VPS37A: variants seen among roughly 807,000 people sequenced by gnomAD.
The protein encoded by VPS37A is VPS37A subunit of ESCRT-I.
A neutral mutation model predicts 49.8 loss-of-function variants in VPS37A; 30 were observed. The observed-to-expected ratio is 0.60, with a 90% CI of 0.45 to 0.82. The LOEUF (loss-of-function observed/expected upper bound fraction) is 0.82, where lower values mean the gene tolerates loss of function less well. Ranked by LOEUF, VPS37A falls within the 40% of genes least tolerant of loss-of-function variation. The pLI is 0.00. For synonymous variants in VPS37A, 195 were observed against 160.6 expected (o/e 1.21, Z -1.62); for missense variants, 593 against 464.4 (o/e 1.28, Z -2.55).
downstream of VPS37A, among the ~76,000 whole-genome samples, chr8:17,303,153 T>G (rs1001031121): frequency 1.5e-4 from 23 of 152,186 alleles, no homozygotes; most frequent in Admixed American, 4.6e-4. Context: ...GGTGTCATTG[T>G]TTTATCTGCA....
At chr8:17,279,538 T>C (rs1385066630) in intron 6 of VPS37A, among the ~76,000 whole-genome samples, 1 of 152,134 alleles carries the variant, frequency 6.6e-6, no homozygotes, top group African/African-American at 2.4e-5. Context: ...GTCTGGTTCC[T>C]ATCAGGGAAA....
At chr8:17,272,922 G>A (rs1814135504) in intron 4 of VPS37A, among the ~76,000 whole-genome samples, 1 of 148,610 alleles carries the variant, frequency 6.7e-6, no homozygotes, top group Non-Finnish European at 1.5e-5. Context: ...TTGGGTTTGT[G>A]TATATATAAT....
chr8:17,254,776 A>G (rs897184505), intron 1 of VPS37A, among the ~76,000 whole-genome samples: 2 of 152,124 alleles, frequency 1.3e-5, no homozygotes, highest in Non-Finnish European at 2.9e-5. Context: ...TACTTCTATC[A>G]AAACATCACA....
intron 4 of VPS37A, among the ~76,000 whole-genome samples, chr8:17,269,893 A>C (rs1052877196): frequency 6.6e-6 from 1 of 152,212 alleles, no homozygotes; most frequent in Non-Finnish European, 1.5e-5. Flanking sequence ...ACTGGGTAAT[A>C]TATAAAGAAA....
intron 1 of VPS37A, among the ~76,000 whole-genome samples, chr8:17,252,301 G>A (rs1161470422): frequency 1.3e-5 from 2 of 152,118 alleles, no homozygotes; most frequent in Non-Finnish European, 1.5e-5. Flanking sequence ...ACAGGCACAT[G>A]CCATCATGCC....
At position 17,295,879 on chromosome 8, in the gene VPS37A, T is replaced by A. The variant is rs1315410744; in HGVS notation, c.*893T>A. On this transcript the variant is annotated 3_prime_UTR_variant, in exon 12 of 12. Transcript: ENST00000324849. ...AGCTATAGTAATAAGTAAAATTTAA[T>A]TTTTAGGCAATCCTGATTTTTAATG... 6.6e-6 allele frequency: 1 copy of A among 152,234 alleles called. No individual in the cohort carries two copies. Among genetic ancestry groups the A allele is most frequent in the Non-Finnish European group, 1.5e-5 (1 of 68,046 alleles). 9.4% of individuals were successfully genotyped at this position (152,234 alleles called of 1,614,324 possible). A position where few individuals can be genotyped will look rare whatever the true frequency, so the allele number is the denominator to read the frequency against.
chr8:17,294,448 C>A (rs1425914074), intron 11 of VPS37A, among the ~76,000 whole-genome samples: 1 of 152,158 alleles, frequency 6.6e-6, no homozygotes, highest in Non-Finnish European at 1.5e-5. Flanking sequence ...AGCCCCCTTT[C>A]CAGGAGAGTG....
intron 9 of VPS37A, among the ~76,000 whole-genome samples, chr8:17,281,470 C>G (rs1331081764): frequency 3.3e-5 from 5 of 151,906 alleles, no homozygotes; most frequent in Admixed American, 2.6e-4. Flanking sequence ...ATTCTTTATA[C>G]AAACTCTTAG....
At chr8:17,267,435 TGTA>T (rs1813572277) in intron 2 of VPS37A, among the ~76,000 whole-genome samples, 1 of 151,030 alleles carries the variant, frequency 6.6e-6, no homozygotes, top group South Asian at 2.1e-4. Context: ...ATCTTGGTTT[TGTA>T]GTAGTTCAAA....
intron 2 of VPS37A, among the ~76,000 whole-genome samples, chr8:17,266,654 C>T (rs970453421): frequency 6.6e-6 from 1 of 152,206 alleles, no homozygotes; most frequent in Non-Finnish European, 1.5e-5. Context: ...TTATCATATT[C>T]ACCTTCACGT....
intron 6 of VPS37A, 46 bp downstream of exon 6, chr8:17,276,513 A>T (rs987810225): frequency 1.3e-6 from 2 of 1,537,236 alleles, no homozygotes; most frequent in Non-Finnish European, 8.9e-7. Flanking sequence ...TTTTATTTGT[A>T]AGCATAAACC....
intron 1 of VPS37A, among the ~76,000 whole-genome samples, chr8:17,250,643 C>A (rs1036975998): frequency 1.6e-4 from 25 of 152,264 alleles, no homozygotes; most frequent in Admixed American, 7.2e-4. Flanking sequence ...CCAACTCTTA[C>A]AATTTTTAAC....
At chr8:17,259,976 G>T (rs1812822168) in intron 1 of VPS37A, among the ~76,000 whole-genome samples, 1 of 151,994 alleles carries the variant, frequency 6.6e-6, no homozygotes, top group African/African-American at 2.4e-5. Flanking sequence ...TATGAAGTGG[G>T]TTTCTTGTAG....
chr8:17,248,521 C>A lies in VPS37A; in HGVS notation c.125+1152C>A, dbSNP rs1297735521. On this transcript the variant is annotated intron_variant, in intron 1 of 11. Coordinates refer to ENST00000324849, the MANE Select transcript of VPS37A (RefSeq NM_152415.3). Reference sequence around the variant, plus strand: ...GAACTCCTGACCTTAGATTATCCACCCGCTTCGGCCTCCCAAAGTGCTGGG... The same window carrying A: ...GAACTCCTGACCTTAGATTATCCACACGCTTCGGCCTCCCAAAGTGCTGGG... 3 of 355,722 alleles carry A rather than the reference C, an allele frequency of 8.4e-6. No homozygotes were observed. The Admixed American group carries it at 1.1e-4, about 13-fold the overall frequency. The allele number at this position is 355,722 out of a possible 1,614,324, so 22.0% of individuals were successfully genotyped here.
At chr8:17,299,865 G>A, downstream of VPS37A, 1 of 1,613,864 alleles carries the variant, frequency 6.2e-7, no homozygotes, top group Non-Finnish European at 8.5e-7. Flanking sequence ...GGAAACTTCA[G>A]GCAGTGAGAA....
chr8:17,309,298 A>C, the VPS37A span: 1 of 1,564,346 alleles, frequency 6.4e-7, no homozygotes, highest in Non-Finnish European at 8.8e-7. Context: ...CTTATGACCA[A>C]AGGAAATCCA....
chr8:17,268,786 C>A (rs1261590760), intron 3 of VPS37A, 70 bp from the exon 4 acceptor site: 1 of 1,021,518 alleles, frequency 9.8e-7, no homozygotes, highest in African/African-American at 1.6e-5. Flanking sequence ...TTTAGAGTGA[C>A]ATTATCCTAA....
intron 2 of VPS37A, among the ~76,000 whole-genome samples, chr8:17,267,954 A>G (rs1250230104): frequency 6.6e-6 from 1 of 152,238 alleles, no homozygotes; most frequent in African/African-American, 2.4e-5. Flanking sequence ...TCTACCTAAG[A>G]TTTTGTATAG....
At chr8:17,306,532 G>A (rs1200297483), downstream of VPS37A, among the ~76,000 whole-genome samples, 1 of 152,102 alleles carries the variant, frequency 6.6e-6, no homozygotes, top group African/African-American at 2.4e-5. Context: ...TGCTTTTCAA[G>A]AGCACATCAG....
Sources: gnomAD v4.1 joint callset for allele counts (sites outside exome capture counted in the v4.1 genomes callset) on GRCh38, gnomAD v4.1.1 for gene constraint, MANE v1.5 for transcripts, NCBI Gene and HGNC (gene_info 2026-07-23, HGNC 2026-07-21) for gene names.